Variants in PTPRM observed in about 807,000 individuals in gnomAD.
PTPRM encodes protein tyrosine phosphatase receptor type M.
In PTPRM, 47 loss-of-function variants were observed where a neutral mutation model predicts 186.7. The ratio of observed to expected loss-of-function variants is 0.25; its 90% confidence interval spans 0.20 to 0.32. The LOEUF (loss-of-function observed/expected upper bound fraction) is 0.32. Among genes scored for constraint, PTPRM ranks in the 10% least tolerant of loss-of-function variants. The pLI, the probability that PTPRM is intolerant of heterozygous loss-of-function variation, is 1.00. For missense variants in PTPRM, 1,494 were observed against 1,865.0 expected, an observed-to-expected ratio of 0.80 and a Z score of 3.66; for synonymous variants, 668 against 674.9, an observed-to-expected ratio of 0.99 and a Z score of 0.16.
intron 11 of PTPRM, among the ~76,000 whole-genome samples, chr18:8,105,304 G>A (rs889779544): frequency 1.3e-5 from 2 of 151,966 alleles, no homozygotes; most frequent in Admixed American, 6.6e-5. Context: ...GAGTTTTATT[G>A]TATTAAAAAA....
chr18:7,878,950 A>G (rs933376375), intron 2 of PTPRM, among the ~76,000 whole-genome samples: 2 of 152,174 alleles, frequency 1.3e-5, no homozygotes, highest in Non-Finnish European at 1.5e-5. Flanking sequence ...TCACTACTCA[A>G]TTGTTGTATG....
At chr18:7,778,643 C>T (rs1020017342) in intron 2 of PTPRM, among the ~76,000 whole-genome samples, 2 of 151,946 alleles carry the variant, frequency 1.3e-5, no homozygotes, top group African/African-American at 2.4e-5. Context: ...CCACACCCAG[C>T]TAGTTTTTGT....
chr18:7,606,113 C>A (rs550125067), intron 1 of PTPRM, among the ~76,000 whole-genome samples: 24 of 152,088 alleles, frequency 1.6e-4, no homozygotes, highest in African/African-American at 4.1e-4. Flanking sequence ...TCTTTCTGAA[C>A]TGAAGACTCA....
At chr18:7,984,989 A>G (rs2082819332) in intron 7 of PTPRM, among the ~76,000 whole-genome samples, 1 of 125,598 alleles carries the variant, frequency 8.0e-6, no homozygotes, top group African/African-American at 3.2e-5. Flanking sequence ...ACATATAATT[A>G]TATACATATA....
intron 31 of PTPRM, among the ~76,000 whole-genome samples, chr18:8,389,969 G>A (rs557677382): frequency 3.3e-5 from 5 of 152,206 alleles, no homozygotes; most frequent in Non-Finnish European, 7.3e-5. Flanking sequence ...AGCTAATAAA[G>A]CTAGATTAAA....
chr18:7,928,604 TA>T (rs1277354938), intron 5 of PTPRM, among the ~76,000 whole-genome samples: 3 of 152,240 alleles, frequency 2.0e-5, no homozygotes, highest in Non-Finnish European at 2.9e-5. Context: ...CTAGAAATCT[TA>T]ATTATTTGTG....
intron 2 of PTPRM, among the ~76,000 whole-genome samples, chr18:7,852,053 G>C (rs1044298477): frequency 8.5e-5 from 13 of 152,108 alleles, no homozygotes; most frequent in Admixed American, 2.6e-4. Context: ...CAAGCTACTG[G>C]CATGGAAATT....
At chr18:7,707,010 A>T (rs1024346442) in intron 1 of PTPRM, among the ~76,000 whole-genome samples, 10 of 152,056 alleles carry the variant, frequency 6.6e-5, no homozygotes, top group Non-Finnish European at 1.5e-4. Flanking sequence ...ACAAACATTG[A>T]CATTTAAGGC....
chr18:8,004,596 T>C (rs1568169127), intron 7 of PTPRM, among the ~76,000 whole-genome samples: 1 of 152,010 alleles, frequency 6.6e-6, no homozygotes, highest in African/African-American at 2.4e-5. Flanking sequence ...GCATGAGGGA[T>C]GAAAGACATA....
intron 1 of PTPRM, among the ~76,000 whole-genome samples, chr18:7,661,559 C>A (rs1166477215): frequency 6.6e-6 from 1 of 152,194 alleles, no homozygotes; most frequent in East Asian, 1.9e-4. Context: ...ATGTAATCTG[C>A]ACCAAGTCAG....
chr18:8,282,736 T>C (rs534595613), intron 19 of PTPRM, among the ~76,000 whole-genome samples: 2 of 152,262 alleles, frequency 1.3e-5, no homozygotes, highest in South Asian at 4.2e-4. Context: ...TGGGCATTTA[T>C]CACAGAGAAG....
At chr18:7,606,768 C>T (rs2037540116) in intron 1 of PTPRM, among the ~76,000 whole-genome samples, 1 of 152,168 alleles carries the variant, frequency 6.6e-6, no homozygotes. Flanking sequence ...TTTCTCCAGG[C>T]ACAGACCTTG....
At chr18:7,999,733 T>C (rs2083756508) in intron 7 of PTPRM, among the ~76,000 whole-genome samples, 1 of 152,042 alleles carries the variant, frequency 6.6e-6, no homozygotes, top group Non-Finnish European at 1.5e-5. Context: ...GGTTCCAAGA[T>C]AGACAGATGC....
At chr18:7,834,949 T>G (rs1359769375) in intron 2 of PTPRM, among the ~76,000 whole-genome samples, 1 of 151,244 alleles carries the variant, frequency 6.6e-6, no homozygotes, top group Non-Finnish European at 1.5e-5. Flanking sequence ...GTAGTATCAG[T>G]TGTAATGTCT....
chr18:8,333,373 CAT>C (rs1225849293), intron 22 of PTPRM, among the ~76,000 whole-genome samples: 6 of 152,210 alleles, frequency 3.9e-5, no homozygotes, highest in African/African-American at 1.2e-4. Flanking sequence ...TTCTGTGACA[CAT>C]GAGGCAGATT....
chr18:7,789,064 G>A (rs897906944), intron 2 of PTPRM, among the ~76,000 whole-genome samples: 3 of 152,124 alleles, frequency 2.0e-5, no homozygotes, highest in East Asian at 1.9e-4. Context: ...GCTCACACCT[G>A]TAATCCCAGC....
At chr18:7,699,941 A>G (rs1453258866) in intron 1 of PTPRM, among the ~76,000 whole-genome samples, 1 of 152,170 alleles carries the variant, frequency 6.6e-6, no homozygotes. Flanking sequence ...ATCCAGCACC[A>G]TTAATTGAAA....
intron 3 of PTPRM, among the ~76,000 whole-genome samples, chr18:7,901,078 A>T (rs964969372): frequency 6.6e-6 from 1 of 152,124 alleles, no homozygotes; most frequent in African/African-American, 2.4e-5. Context: ...TTCGACCCGG[A>T]TGCTGGCATT....
At chr18:7,980,100 C>A (rs35289662) in intron 7 of PTPRM, among the ~76,000 whole-genome samples, 15,427 of 152,140 alleles carry the variant, frequency 0.1, 1,101 homozygotes, top group Non-Finnish European at 0.16. Context: ...CGCAGCCCCA[C>A]AAAATATTTT....
Sources: allele counts gnomAD v4.1 joint callset (sites outside exome capture counted in the v4.1 genomes callset), GRCh38; gene constraint gnomAD v4.1.1; transcripts MANE v1.5; gene names NCBI Gene and HGNC (gene_info 2026-07-23, HGNC 2026-07-21).